ENPP2: variants seen among roughly 807,000 people sequenced by gnomAD.
The protein encoded by ENPP2 is ectonucleotide pyrophosphatase/phosphodiesterase 2.
Under a neutral mutation model 120.2 loss-of-function variants are expected in ENPP2, and 51 were observed. The ratio of observed to expected loss-of-function variants is 0.42; its 90% confidence interval spans 0.34 to 0.54. The LOEUF is 0.54. Ranked by LOEUF, ENPP2 falls within the 20% of genes least tolerant of loss-of-function variation. The pLI is 0.04. For missense variants in ENPP2, 920 were observed against 1,066.5 expected, an observed-to-expected ratio of 0.86 and a Z score of 1.91; for synonymous variants, 365 against 366.4, an observed-to-expected ratio of 1.00 and a Z score of 0.04.
In ENPP2 at chr8:119,590,532, G is replaced by A; in HGVS notation, c.1180C>T (p.Arg394Ter). The A allele has an allele frequency of 1.3e-6, 2 of 1,596,068 alleles. No individual in the cohort carries two copies. The change falls in exon 13 of 25, where the codon CGA (arginine) becomes TGA (stop). Residue 394 changes from arginine (R) to a stop codon, truncating the protein, a stop_gained. Transcript: ENST00000075322. LOFTEE classifies it high-confidence loss of function. Reference protein sequence around the residue: ...TLVPGTLGRIRSKFSNNAKYD... With the variant: ...TLVPGTLGRI ...TTAGCATTGTTGCTAAATTTGGATCGAATTCTTCCTAGAGTTCCAGGCACT... is the reference window on the plus strand; with the variant it reads ...TTAGCATTGTTGCTAAATTTGGATCAAATTCTTCCTAGAGTTCCAGGCACT...
chr8:119,569,725 C>G (rs930537941), intron 20 of ENPP2, among the ~76,000 whole-genome samples: 4 of 131,052 alleles, frequency 3.1e-5, no homozygotes, highest in Non-Finnish European at 6.5e-5. Flanking sequence ...TGTATCTCCT[C>G]TAAATAGACT....
intron 5 of ENPP2, among the ~76,000 whole-genome samples, chr8:119,618,677 T>G (rs1296454662): frequency 1.3e-5 from 2 of 151,768 alleles, no homozygotes; most frequent in African/African-American, 4.8e-5. Flanking sequence ...GTAGCTGGGA[T>G]TACAAGCGCT....
chr8:119,604,823 G>C (rs2130601715), intron 9 of ENPP2, among the ~76,000 whole-genome samples: 1 of 152,008 alleles, frequency 6.6e-6, no homozygotes, highest in East Asian at 1.9e-4. Flanking sequence ...TCCCAGGCTA[G>C]AGTGCAGTGG....
chr8:119,641,172 C>T (rs1817276289), upstream of ENPP2, among the ~76,000 whole-genome samples: 1 of 152,126 alleles, frequency 6.6e-6, no homozygotes, highest in Non-Finnish European at 1.5e-5. Flanking sequence ...TGCATACACA[C>T]ATCATTTTGC....
chr8:119,568,316 AG>A, intron 21 of ENPP2, 64 bp from the exon 22 acceptor site: 1 of 894,308 alleles, frequency 1.1e-6, no homozygotes, highest in Non-Finnish European at 1.8e-6. Context: ...TAAAAAAAAA[AG>A]GGAGAGGGGG....
intron 1 of ENPP2, among the ~76,000 whole-genome samples, chr8:119,653,943 A>C (rs956064557): frequency 2.0e-5 from 3 of 148,004 alleles, no homozygotes; most frequent in Admixed American, 6.8e-5. Context: ...TTTTATCTCT[A>C]TATATAATAT....
chr8:119,660,809 A>C (rs879927269), intron 1 of ENPP2, among the ~76,000 whole-genome samples: 4 of 152,184 alleles, frequency 2.6e-5, no homozygotes, highest in Admixed American at 6.5e-5. Flanking sequence ...TTGTAGTGCG[A>C]AAGTGGTCAT....
chr8:119,631,310 G>T (rs1332155939), intron 2 of ENPP2, among the ~76,000 whole-genome samples: 1 of 138,338 alleles, frequency 7.2e-6, no homozygotes, highest in Non-Finnish European at 1.5e-5. Context: ...TCTGTCTTCT[G>T]GGTTCACACC....
chr8:119,580,273 C>T (rs1456257349), intron 18 of ENPP2, 106 bp from the exon 19 acceptor site: 4 of 832,826 alleles, frequency 4.8e-6, no homozygotes, highest in South Asian at 2.8e-5. Flanking sequence ...CAAAAGCGAA[C>T]TCTAAACTCC....
At chr8:119,569,163 A>G (rs1409867537) in intron 21 of ENPP2, 72 bp downstream of exon 21, 1 of 1,464,134 alleles carries the variant, frequency 6.8e-7, no homozygotes, top group African/African-American at 1.4e-5. Flanking sequence ...CAAGCCACTG[A>G]AATTCCAAAT....
Position 119,638,711 on chromosome 8 carries a change from A to T in ENPP2, c.33+37T>A, listed in dbSNP as rs58024431. 1.0e-3 allele frequency: 1,311 copies of T among 1,277,160 alleles called. 11 individuals are homozygous for T. The African/African-American group carries it at 0.017, about 17-fold the overall frequency. The allele number at this position is 1,277,160 out of a possible 1,614,324, so 79.1% of individuals were successfully genotyped here. On this transcript the variant is annotated intron_variant, in intron 1 of 24. Transcript: ENST00000075322. ...TGCCAATCAGTCACTGATTCTGAAG[A>T]TCAAGCATGTCCCCCGTCATTCCTC...
intron 8 of ENPP2, among the ~76,000 whole-genome samples, chr8:119,609,565 G>A (rs1457845718): frequency 6.6e-6 from 1 of 152,126 alleles, no homozygotes; most frequent in Non-Finnish European, 1.5e-5. Flanking sequence ...AGCCCAACTA[G>A]GGTTCAGAAT....
In ENPP2 at chr8:119,570,853, A is replaced by C. The variant is rs1243505638; in HGVS notation, c.1781-12T>G. ...GAGGAGGTGTCTCTCTAAAAAAGAA[A>C]AAAAATAAACTGTGTTAGGTGCATA... is the stretch of plus-strand genomic sequence containing the variant. On this transcript the variant is annotated splice_polypyrimidine_tract_variant and intron_variant, in intron 19 of 24. Coordinates refer to ENST00000075322, the MANE Select transcript of ENPP2 (RefSeq NM_001040092.3). 6.5e-7 allele frequency: 1 copy of C among 1,534,792 alleles called. No homozygotes were observed. Among genetic ancestry groups the C allele is most frequent in the Non-Finnish European group, 8.7e-7 (1 of 1,147,978 alleles).
chr8:119,613,956 C>T (rs1815286075), intron 8 of ENPP2, among the ~76,000 whole-genome samples: 1 of 151,870 alleles, frequency 6.6e-6, no homozygotes, highest in Admixed American at 6.6e-5. Flanking sequence ...ATAGAACACC[C>T]TACTGTATAA....
chr8:119,638,879 T>A, upstream of ENPP2: 1 of 1,489,506 alleles, frequency 6.7e-7, no homozygotes. Context: ...CTATAAGCAA[T>A]CCCACCTGGG....
At chr8:119,573,407 T>TAA (rs1563680979) in intron 19 of ENPP2, among the ~76,000 whole-genome samples, 2 of 71,554 alleles carry the variant, frequency 2.8e-5, no homozygotes, top group African/African-American at 1.4e-4. Flanking sequence ...GCTCCGTCTC[T>TAA]TAAAAAAAAA....
chr8:119,580,256 C>T (rs761058303), intron 18 of ENPP2, 89 bp from the exon 19 acceptor site: 1 of 1,010,970 alleles, frequency 9.9e-7, no homozygotes, highest in Non-Finnish European at 1.6e-6. Flanking sequence ...TAGCACCCTG[C>T]TAAATTCAAA....
At chr8:119,586,551 A>G (rs1374052775) in intron 14 of ENPP2, among the ~76,000 whole-genome samples, 2 of 152,160 alleles carry the variant, frequency 1.3e-5, no homozygotes, top group African/African-American at 4.8e-5. Flanking sequence ...TTTAAGATGC[A>G]TTCCTGGCTT....
intron 3 of ENPP2, among the ~76,000 whole-genome samples, chr8:119,622,985 A>C (rs1816011165): frequency 6.6e-6 from 1 of 152,156 alleles, no homozygotes; most frequent in Admixed American, 6.5e-5. Flanking sequence ...ATAGGGTGAA[A>C]TAGGTGCTAC....
Sources: allele counts gnomAD v4.1 joint callset (sites outside exome capture counted in the v4.1 genomes callset), GRCh38; gene constraint gnomAD v4.1.1; transcripts MANE v1.5; gene names NCBI Gene and HGNC (gene_info 2026-07-23, HGNC 2026-07-21).